RCAN2: variants seen among roughly 807,000 people sequenced by gnomAD.
RCAN2 encodes regulator of calcineurin 2, also known as calcipressin-2.
Under a neutral mutation model 23.6 loss-of-function variants are expected in RCAN2, and 9 were observed. The observed-to-expected ratio is 0.38, with a 90% CI of 0.23 to 0.67. RCAN2 has a LOEUF of 0.67. Among genes scored for constraint, RCAN2 ranks in the 30% least tolerant of loss-of-function variants. RCAN2 has a pLI of 0.51. For synonymous variants in RCAN2, 109 were observed against 115.7 expected, an observed-to-expected ratio of 0.94 and a Z score of 0.37; for missense variants, 273 against 302.3, an observed-to-expected ratio of 0.90 and a Z score of 0.72.
chr6:46,355,372 A>G (rs1764798112), intron 2 of RCAN2, among the ~76,000 whole-genome samples: 1 of 152,174 alleles, frequency 6.6e-6, no homozygotes, highest in Admixed American at 6.5e-5. Flanking sequence ...GTTTATCAGA[A>G]GCCACTCTGA....
At chr6:46,388,290 A>T (rs1448963644) in intron 2 of RCAN2, among the ~76,000 whole-genome samples, 2 of 151,966 alleles carry the variant, frequency 1.3e-5, no homozygotes, top group Non-Finnish European at 2.9e-5. Context: ...TAAATTTTAA[A>T]AAAAAGAAAC....
intron 2 of RCAN2, among the ~76,000 whole-genome samples, chr6:46,444,946 T>C (rs565595886): frequency 5.5e-4 from 84 of 152,014 alleles, no homozygotes; most frequent in Non-Finnish European, 5.9e-4. Context: ...ACACTTGTCC[T>C]AGCAACAGGG....
Position 46,424,319 on chromosome 6 carries a change from C to T in RCAN2, c.225+32433G>A, listed in dbSNP as rs985873524. ...AAGCACAGAAAGCTTAAGCAACTAACCAGACATTACACAGCAAGCAAGTAG... is the reference window on the plus strand; with the variant it reads ...AAGCACAGAAAGCTTAAGCAACTAATCAGACATTACACAGCAAGCAAGTAG... On this transcript the variant is annotated intron_variant, in intron 2 of 4. Transcript: ENST00000371374. 1.2e-4 allele frequency among the ~76,000 whole-genome samples: 19 copies of T among 152,168 alleles called. 1 individual carries two copies. The highest frequency in any genetic ancestry group is 3.3e-4 in the Admixed American group (5 of 15,276).
intron 2 of RCAN2, among the ~76,000 whole-genome samples, chr6:46,303,914 C>T (rs1001166284): frequency 2.0e-5 from 3 of 152,104 alleles, no homozygotes; most frequent in African/African-American, 7.2e-5. Context: ...CTGCTGTAAA[C>T]ATCCTTGTCC....
At chr6:46,282,064 G>A (rs555423584) in intron 2 of RCAN2, among the ~76,000 whole-genome samples, 84 of 152,304 alleles carry the variant, frequency 5.5e-4, no homozygotes, top group Non-Finnish European at 1.1e-3. Flanking sequence ...CCAGGGCCTA[G>A]CAAAGTCCTA....
At chr6:46,379,531 A>G (rs1228109253) in intron 2 of RCAN2, among the ~76,000 whole-genome samples, 1 of 152,194 alleles carries the variant, frequency 6.6e-6, no homozygotes, top group Non-Finnish European at 1.5e-5. Flanking sequence ...CATGTAATCC[A>G]GTTACAATAT....
intron 4 of RCAN2, among the ~76,000 whole-genome samples, chr6:46,229,174 C>A (rs1030700309): frequency 1.3e-5 from 2 of 152,170 alleles, no homozygotes; most frequent in Non-Finnish European, 2.9e-5. Context: ...TGTGGGTAAC[C>A]TGACCTTTCT....
intron 2 of RCAN2, among the ~76,000 whole-genome samples, chr6:46,350,686 T>C (rs1764621760): frequency 6.6e-6 from 1 of 152,244 alleles, no homozygotes; most frequent in Admixed American, 6.5e-5. Context: ...AGGAATTGAC[T>C]TGAAACGGCT....
At chr6:46,299,388 CAG>C (rs1561848443) in intron 2 of RCAN2, among the ~76,000 whole-genome samples, 1 of 151,942 alleles carries the variant, frequency 6.6e-6, no homozygotes, top group Non-Finnish European at 1.5e-5. Flanking sequence ...GAATTTAGTG[CAG>C]AGTTACTTTC....
chr6:46,429,893 C>T (rs1374535630), intron 2 of RCAN2, among the ~76,000 whole-genome samples: 1 of 152,124 alleles, frequency 6.6e-6, no homozygotes, highest in African/African-American at 2.4e-5. Context: ...TAAATCAGCA[C>T]ATGCAAAGAC....
At chr6:46,394,045 A>G (rs1450467383) in intron 2 of RCAN2, among the ~76,000 whole-genome samples, 1 of 152,216 alleles carries the variant, frequency 6.6e-6, no homozygotes, top group East Asian at 1.9e-4. Context: ...AATGTGAAAG[A>G]TGACCGATGT....
chr6:46,315,362 G>A (rs1395393763), intron 2 of RCAN2, among the ~76,000 whole-genome samples: 1 of 152,178 alleles, frequency 6.6e-6, no homozygotes, highest in East Asian at 1.9e-4. Context: ...TCTTGTGATT[G>A]TGTTGAAAGA....
intron 2 of RCAN2, among the ~76,000 whole-genome samples, chr6:46,388,743 A>G (rs1355291129): frequency 6.6e-6 from 1 of 152,186 alleles, no homozygotes; most frequent in Non-Finnish European, 1.5e-5. Flanking sequence ...GTGGGAGTTC[A>G]ACAATGAAAA....
At chr6:46,488,233 C>G (rs1294100063) in intron 1 of RCAN2, among the ~76,000 whole-genome samples, 1 of 152,226 alleles carries the variant, frequency 6.6e-6, no homozygotes. Context: ...AGGTGCACGT[C>G]TTACAAACTG....
chr6:46,233,721 C>CT (rs1240948992), intron 4 of RCAN2, among the ~76,000 whole-genome samples: 25,326 of 130,610 alleles, frequency 0.19, 3,094 homozygotes, highest in Middle Eastern at 0.35. Context: ...AAGAACACTT[C>CT]TTTTTTTTTT....
At position 46,456,795 on chromosome 6, in the gene RCAN2, G is replaced by A. The variant is rs534692644; in HGVS notation, c.182C>T (p.Ala61Val). The A allele has an allele frequency of 1.2e-4, 190 of 1,550,688 alleles. No homozygotes were observed. The highest frequency in any genetic ancestry group is 2.1e-4 in the African/African-American group (15 of 73,044). Reference sequence around the variant, plus strand: ...AAACACTGACTGGTGAACATTGCACGCAAACAACGAGTTGGGGAGGTCATT... The same window carrying A: ...AAACACTGACTGGTGAACATTGCACACAAACAACGAGTTGGGGAGGTCATT... ...DFNDLPNSLF[A>V]CNVHQSVFEG... is the part of the protein sequence containing the mutation. The change falls in exon 2 of 5, where the codon GCG becomes GTG. Residue 61 changes from alanine (A) to valine (V), a missense_variant. Coordinates refer to ENST00000371374, the MANE Select transcript of RCAN2 (RefSeq NM_001251974.2).
At chr6:46,230,727 G>A (rs929068535) in intron 4 of RCAN2, among the ~76,000 whole-genome samples, 1 of 152,122 alleles carries the variant, frequency 6.6e-6, no homozygotes, top group African/African-American at 2.4e-5. Flanking sequence ...GTGCTTCCTG[G>A]GTGAGGTGAT....
At chr6:46,489,245 C>T (rs1769073499) in intron 1 of RCAN2, among the ~76,000 whole-genome samples, 1 of 152,184 alleles carries the variant, frequency 6.6e-6, no homozygotes, top group Non-Finnish European at 1.5e-5. Flanking sequence ...TCCAGATTCC[C>T]TCCACTCTTT....
intron 2 of RCAN2, among the ~76,000 whole-genome samples, chr6:46,341,932 G>A (rs1233142573): frequency 1.3e-5 from 2 of 152,186 alleles, no homozygotes; most frequent in Non-Finnish European, 2.9e-5. Context: ...GAAGCCACAG[G>A]GAAATGCACA....
Sources: gnomAD v4.1 joint callset for allele counts (sites outside exome capture counted in the v4.1 genomes callset) on GRCh38, gnomAD v4.1.1 for gene constraint, MANE v1.5 for transcripts, NCBI Gene and HGNC (gene_info 2026-07-23, HGNC 2026-07-21) for gene names.